Variants in KCNAB1 observed in about 807,000 individuals in gnomAD.
KCNAB1 encodes the protein potassium voltage-gated channel subfamily A regulatory beta subunit 1.
KCNAB1 carries 35 observed loss-of-function variants against 64.6 expected under a neutral mutation model. That is an observed-to-expected ratio of 0.54 (90% confidence interval 0.41 to 0.72). The LOEUF is 0.72. Among genes scored for constraint, KCNAB1 ranks in the 30% least tolerant of loss-of-function variants. The pLI, the probability that KCNAB1 is intolerant of heterozygous loss-of-function variation, is 0.00. For synonymous variants in KCNAB1, 177 were observed against 183.8 expected (o/e 0.96, Z 0.30); for missense variants, 401 against 512.9 (o/e 0.78, Z 2.11).
chr3:156,490,969 A>G (rs1715590066), intron 8 of KCNAB1, among the ~76,000 whole-genome samples: 1 of 152,180 alleles, frequency 6.6e-6, no homozygotes, highest in African/African-American at 2.4e-5. Context: ...ACACACATGA[A>G]GGATCCAGAA....
intron 1 of KCNAB1, among the ~76,000 whole-genome samples, chr3:156,124,177 C>G (rs542477080): frequency 2.6e-5 from 4 of 151,300 alleles, no homozygotes; most frequent in Non-Finnish European, 5.9e-5. Flanking sequence ...TTTTAAAAAA[C>G]CATATTTCTG....
intron 1 of KCNAB1, among the ~76,000 whole-genome samples, chr3:156,395,167 T>C (rs1576812336): frequency 6.6e-6 from 1 of 152,336 alleles, no homozygotes; most frequent in South Asian, 2.1e-4. Context: ...ACAATTTTCA[T>C]TGATCAAAAC....
In KCNAB1 at chr3:156,394,094, T is replaced by C. The variant is rs75548574; in HGVS notation, c.276-27522T>C. On this transcript the variant is annotated intron_variant, in intron 1 of 13. Coordinates refer to ENST00000490337, the MANE Select transcript of KCNAB1 (RefSeq NM_172160.3). ...TAAACACCATTAAATGAGAACAATA[T>C]GTACCCTGCCCACTTTAAATGAGAA... Among the ~76,000 whole-genome samples, 982 of 152,300 alleles carry C rather than the reference T, an allele frequency of 6.4e-3. 13 individuals carry two copies. Among genetic ancestry groups the C allele is most frequent in the African/African-American group, 0.021 (858 of 41,560 alleles).
At position 156,229,986 on chromosome 3, in the gene KCNAB1, A is replaced by G. The variant is rs547081259; in HGVS notation, c.275+109100A>G. ...ACACATACTTATTGATTGTTTCATT[A>G]TGTTTCAGGCCTGGTGCTGAATGTT... On this transcript the variant is annotated intron_variant, in intron 1 of 13. Coordinates refer to ENST00000490337, the MANE Select transcript of KCNAB1 (RefSeq NM_172160.3). 5.9e-5 allele frequency among the ~76,000 whole-genome samples: 9 copies of G among 152,298 alleles called. No individual in the cohort carries two copies. In the South Asian group the frequency reaches 1.9e-3, roughly 32 times the overall value.
chr3:156,354,126 A>G (rs889955714), intron 1 of KCNAB1, among the ~76,000 whole-genome samples: 191 of 141,016 alleles, frequency 1.4e-3, no homozygotes, highest in African/African-American at 4.9e-3. Context: ...GTGTGTATAT[A>G]TATATATATA....
chr3:156,418,008 C>A (rs1235075675), intron 1 of KCNAB1, among the ~76,000 whole-genome samples: 1 of 152,218 alleles, frequency 6.6e-6, no homozygotes, highest in African/African-American at 2.4e-5. Context: ...ATATTAGCAG[C>A]AGAGCAGTTC....
At chr3:156,531,569 C>T in intron 13 of KCNAB1, 72 bp downstream of exon 13, 1 of 1,105,484 alleles carries the variant, frequency 9.0e-7, no homozygotes, top group South Asian at 1.2e-5. Context: ...GGCAGTGTCC[C>T]ATCTCTCCCC....
intron 8 of KCNAB1, among the ~76,000 whole-genome samples, chr3:156,504,481 T>C (rs13087492): frequency 0.46 from 70,550 of 151,880 alleles, 16,556 homozygotes; most frequent in Middle Eastern, 0.59. Context: ...TTTGAGAAAC[T>C]TCCATACTAT....
At chr3:156,294,931 A>G (rs1333700362) in intron 1 of KCNAB1, among the ~76,000 whole-genome samples, 2 of 152,226 alleles carry the variant, frequency 1.3e-5, no homozygotes, top group Admixed American at 1.3e-4. Context: ...GTACTCATTT[A>G]GTCAGCATAG....
intron 1 of KCNAB1, among the ~76,000 whole-genome samples, chr3:156,378,295 A>G (rs1169413094): frequency 2.0e-5 from 3 of 152,086 alleles, no homozygotes; most frequent in African/African-American, 7.2e-5. Context: ...CAAAGGGTGG[A>G]GGAGGTAGGA....
At chr3:156,528,174 C>CA (rs3085733) in intron 12 of KCNAB1, among the ~76,000 whole-genome samples, 6,428 of 140,652 alleles carry the variant, frequency 0.046, 430 homozygotes, top group African/African-American at 0.15. Context: ...ATAATGCAGT[C>CA]AAAAAAAAAA....
At chr3:156,515,518 A>G (rs527910405) in intron 10 of KCNAB1, among the ~76,000 whole-genome samples, 1 of 152,172 alleles carries the variant, frequency 6.6e-6, no homozygotes, top group Non-Finnish European at 1.5e-5. Flanking sequence ...GGAACAACCA[A>G]TGAATAAGTT....
intron 1 of KCNAB1, among the ~76,000 whole-genome samples, chr3:156,173,005 ATTT>A (rs1371974747): frequency 6.6e-6 from 1 of 152,190 alleles, no homozygotes; most frequent in Non-Finnish European, 1.5e-5. Context: ...GACCTTAAAC[ATTT>A]TGCTTCTAGG....
intron 1 of KCNAB1, among the ~76,000 whole-genome samples, chr3:156,400,353 G>C (rs183825534): frequency 6.6e-6 from 1 of 152,116 alleles, no homozygotes; most frequent in African/African-American, 2.4e-5. Flanking sequence ...CTTGTCAATC[G>C]AAGGCAGCTG....
chr3:156,506,405 T>C (rs1716836584), intron 8 of KCNAB1, among the ~76,000 whole-genome samples: 1 of 152,212 alleles, frequency 6.6e-6, no homozygotes, highest in Non-Finnish European at 1.5e-5. Flanking sequence ...GTGTCCCATT[T>C]CAATAACCTA....
intron 1 of KCNAB1, among the ~76,000 whole-genome samples, chr3:156,403,168 C>T (rs1714020607): frequency 6.6e-6 from 1 of 152,224 alleles, no homozygotes; most frequent in South Asian, 2.1e-4. Context: ...TCAGGAGCCT[C>T]TCTTTTCTTT....
chr3:156,377,908 A>G (rs907710691), intron 1 of KCNAB1, among the ~76,000 whole-genome samples: 9 of 152,166 alleles, frequency 5.9e-5, no homozygotes, highest in South Asian at 2.1e-4. Flanking sequence ...TTCTTCAGAC[A>G]GGAACGATTG....
At chr3:156,373,318 G>A (rs956885953) in intron 1 of KCNAB1, among the ~76,000 whole-genome samples, 2 of 152,128 alleles carry the variant, frequency 1.3e-5, no homozygotes, top group African/African-American at 4.8e-5. Flanking sequence ...CTGAGACCAG[G>A]GTATATGAAA....
intron 1 of KCNAB1, among the ~76,000 whole-genome samples, chr3:156,311,351 A>G (rs1721885541): frequency 6.6e-6 from 1 of 152,246 alleles, no homozygotes; most frequent in Admixed American, 6.5e-5. Context: ...ATACCCTAAC[A>G]AGTTAAGGCA....
Sources: allele counts gnomAD v4.1 joint callset (sites outside exome capture counted in the v4.1 genomes callset), GRCh38; gene constraint gnomAD v4.1.1; transcripts MANE v1.5; gene names NCBI Gene and HGNC (gene_info 2026-07-23, HGNC 2026-07-21).